LINGO2: variants seen among roughly 807,000 people sequenced by gnomAD.
LINGO2 encodes the protein leucine rich repeat and Ig domain containing 2.
A neutral mutation model predicts 30.6 loss-of-function variants in LINGO2; 14 were observed. That is an observed-to-expected ratio of 0.46 (90% confidence interval 0.30 to 0.72). The LOEUF (loss-of-function observed/expected upper bound fraction) is 0.72. Ranked by LOEUF, LINGO2 falls within the 30% of genes least tolerant of loss-of-function variation. The pLI is 0.07. For missense variants in LINGO2, 729 were observed against 751.7 expected (o/e 0.97, Z 0.35); for synonymous variants, 317 against 288.5 (o/e 1.10, Z -1.00).
At chr9:28,473,410 C>G (rs1376722019) in intron 2 of LINGO2, among the ~76,000 whole-genome samples, 3 of 151,856 alleles carry the variant, frequency 2.0e-5, no homozygotes, top group African/African-American at 7.3e-5. Context: ...CTCTCTCTCT[C>G]TCACACACAC....
the LINGO2 span, among the ~76,000 whole-genome samples, chr9:29,054,917 T>A: frequency 6.6e-6 from 1 of 152,084 alleles, no homozygotes. Context: ...TAGACTTCGA[T>A]CTTTTAAAAG....
At chr9:28,176,646 A>G (rs1284401505) in intron 4 of LINGO2, among the ~76,000 whole-genome samples, 1 of 152,198 alleles carries the variant, frequency 6.6e-6, no homozygotes, top group East Asian at 1.9e-4. Flanking sequence ...ACAACAAGCC[A>G]ATGAGGCAGA....
At chr9:28,526,078 C>CAAAAAAAAAAAAAAA (rs1821025669) in intron 1 of LINGO2, among the ~76,000 whole-genome samples, 1 of 74,240 alleles carries the variant, frequency 1.3e-5, no homozygotes, top group African/African-American at 6.1e-5. Context: ...AAAAAAAAAG[C>CAAAAAAAAAAAAAAA]CATTGAGTTA....
At chr9:28,771,452 GGTGTGTGTGTGT>G in the LINGO2 span, among the ~76,000 whole-genome samples, 12,817 of 119,462 alleles carry the variant, frequency 0.11, 870 homozygotes, top group East Asian at 0.35. Flanking sequence ...TTTCCTATTT[GGTGTGTGTGTGT>G]GTGTGTGTGT....
the LINGO2 span, among the ~76,000 whole-genome samples, chr9:28,945,915 T>C: frequency 6.6e-6 from 1 of 152,202 alleles, no homozygotes; most frequent in African/African-American, 2.4e-5. Flanking sequence ...CTGATAAAGA[T>C]GAGGCTTCCT....
At chr9:29,029,413 A>C in the LINGO2 span, among the ~76,000 whole-genome samples, 1 of 152,186 alleles carries the variant, frequency 6.6e-6, no homozygotes, top group Admixed American at 6.6e-5. Flanking sequence ...TATTCTTATT[A>C]GATGCTCAGA....
intron 4 of LINGO2, among the ~76,000 whole-genome samples, chr9:28,020,829 C>T (rs947944546): frequency 6.6e-6 from 1 of 152,060 alleles, no homozygotes; most frequent in Non-Finnish European, 1.5e-5. Context: ...GGAATAGTTG[C>T]TTGTAGCATT....
the LINGO2 span, among the ~76,000 whole-genome samples, chr9:29,064,043 T>G: frequency 6.6e-6 from 1 of 152,174 alleles, no homozygotes; most frequent in African/African-American, 2.4e-5. Flanking sequence ...CATGTGAAAG[T>G]TAGCCAATTT....
chr9:28,262,720 G>C (rs975989118), intron 4 of LINGO2, among the ~76,000 whole-genome samples: 7 of 151,916 alleles, frequency 4.6e-5, no homozygotes, highest in African/African-American at 1.7e-4. Context: ...AAAGAATCTA[G>C]ATTTTTTGAT....
intron 2 of LINGO2, among the ~76,000 whole-genome samples, chr9:28,464,191 A>G (rs1825203522): frequency 6.6e-6 from 1 of 152,222 alleles, no homozygotes; most frequent in Non-Finnish European, 1.5e-5. Context: ...AATGTATTTT[A>G]TACAACATAG....
intron 4 of LINGO2, among the ~76,000 whole-genome samples, chr9:28,219,517 G>A (rs1244030795): frequency 6.6e-6 from 1 of 152,078 alleles, no homozygotes; most frequent in Non-Finnish European, 1.5e-5. Context: ...GAAGCAATGT[G>A]AATACCTATT....
At chr9:28,551,641 T>C (rs949288322) in intron 1 of LINGO2, among the ~76,000 whole-genome samples, 1 of 152,242 alleles carries the variant, frequency 6.6e-6, no homozygotes, top group East Asian at 1.9e-4. Flanking sequence ...GCAACCACTT[T>C]CAAATAGTTT....
intron 4 of LINGO2, among the ~76,000 whole-genome samples, chr9:28,243,866 C>T (rs1188756071): frequency 6.6e-6 from 1 of 152,060 alleles, no homozygotes; most frequent in Non-Finnish European, 1.5e-5. Context: ...GACTCCCACT[C>T]AATAATAGTG....
intron 3 of LINGO2, among the ~76,000 whole-genome samples, chr9:28,357,018 G>A (rs1820234549): frequency 1.3e-5 from 2 of 152,026 alleles, no homozygotes; most frequent in African/African-American, 2.4e-5. Context: ...AGGCTCCTAT[G>A]CAATCAATTT....
intron 4 of LINGO2, chr9:28,149,286 G>A (rs946220043): frequency 1.7e-6 from 1 of 600,268 alleles, no homozygotes; most frequent in Non-Finnish European, 2.9e-6. Context: ...TCAAGAGATT[G>A]AGACCTGAGG....
intron 4 of LINGO2, among the ~76,000 whole-genome samples, chr9:28,153,219 TTTAA>T (rs1828046252): frequency 1.3e-5 from 2 of 152,200 alleles, no homozygotes; most frequent in South Asian, 4.1e-4. Flanking sequence ...GTTAATTTTA[TTTAA>T]TTAACATTTG....
the LINGO2 span, among the ~76,000 whole-genome samples, chr9:29,128,654 C>A: frequency 1.1e-3 from 162 of 152,140 alleles, 3 homozygotes; most frequent in East Asian, 0.015. Context: ...CTGCTTTACC[C>A]AAAATTTTGG....
At chr9:28,438,209 G>A (rs1191524143) in intron 2 of LINGO2, among the ~76,000 whole-genome samples, 2 of 152,166 alleles carry the variant, frequency 1.3e-5, no homozygotes, top group African/African-American at 2.4e-5. Flanking sequence ...GTCAATTTGA[G>A]TGAGCTAAAG....
At chr9:29,013,839 CATTTT>C in the LINGO2 span, among the ~76,000 whole-genome samples, 5 of 152,048 alleles carry the variant, frequency 3.3e-5, no homozygotes, top group African/African-American at 1.2e-4. Flanking sequence ...ATAACACAAA[CATTTT>C]ATTTGTAGTG....
Sources: gnomAD v4.1 joint callset for allele counts (sites outside exome capture counted in the v4.1 genomes callset) on GRCh38, gnomAD v4.1.1 for gene constraint, MANE v1.5 for transcripts, NCBI Gene and HGNC (gene_info 2026-07-23, HGNC 2026-07-21) for gene names.